ZNF471: variants seen among roughly 807,000 people sequenced by gnomAD.
ZNF471 encodes EZFIT-related protein 1.
A neutral mutation model predicts 13.7 loss-of-function variants in ZNF471; 7 were observed. The ratio of observed to expected loss-of-function variants is 0.51; its 90% CI spans 0.29 to 0.96. ZNF471 has a LOEUF of 0.96. Among genes scored for constraint, ZNF471 ranks in the 40% least tolerant of loss-of-function variants. The pLI is 0.08. For missense variants in ZNF471, 663 were observed against 743.3 expected (o/e 0.89, Z 1.26); for synonymous variants, 218 against 235.6 (o/e 0.93, Z 0.68).
chr19:56,512,218 A>G (rs2043821854), intron 2 of ZNF471, among the ~76,000 whole-genome samples: 1 of 104,630 alleles, frequency 9.6e-6, no homozygotes, highest in African/African-American at 3.5e-5. Flanking sequence ...CTCACCATGT[A>G]TCTCATTCAG....
In ZNF471 at chr19:56,508,654, G is replaced by A. The variant is rs1338802915; in HGVS notation, c.-56+734G>A. Reference sequence around the variant, plus strand: ...TGCAAGAACAGAGTGTGAGACTGTGGTATGTTAATGTGTGAAAGGGAGACC... The same window carrying A: ...TGCAAGAACAGAGTGTGAGACTGTGATATGTTAATGTGTGAAAGGGAGACC... On this transcript the variant is annotated intron_variant, in intron 1 of 4. Coordinates refer to ENST00000308031, the MANE Select transcript of ZNF471 (RefSeq NM_020813.4). This position sits in a 1 kb window ranked among gnomAD's most constrained non-coding sequence, Gnocchi z 4.7. Among the ~76,000 whole-genome samples, 1 of 151,860 alleles carries A rather than the reference G, an allele frequency of 6.6e-6. No homozygotes were observed. The highest frequency in any genetic ancestry group is 6.6e-5 in the Admixed American group (1 of 15,262).
rs2044012572 is a variant in ZNF471, at chr19:56,524,225, T to A, written c.257-99T>A. ...ACATGCCTGTACATAACAGGTTTTGTGAGATTTATTAAATATTTTTAAATT... is the reference window on the plus strand; with the variant it reads ...ACATGCCTGTACATAACAGGTTTTGAGAGATTTATTAAATATTTTTAAATT... On this transcript the variant is annotated intron_variant, in intron 4 of 4. Transcript: ENST00000308031. The surrounding 1 kb of genome is among the most constrained non-coding windows in gnomAD (Gnocchi z 4.8). The A allele has an allele frequency of 1.1e-6, 1 of 893,512 alleles. No individual in the cohort carries two copies. Among genetic ancestry groups the A allele is most frequent in the Non-Finnish European group, 1.6e-6 (1 of 608,236 alleles). 55.3% of individuals were successfully genotyped at this position (893,512 alleles called of 1,614,324 possible). A position where few individuals can be genotyped will look rare whatever the true frequency, so the allele number is the denominator to read the frequency against.
Position 56,526,003 on chromosome 19 carries a change from C to T in ZNF471, c.*55C>T, listed in dbSNP as rs1415443249. 1 of 1,452,730 alleles carries T rather than the reference C, an allele frequency of 6.9e-7. No homozygotes were observed. Among genetic ancestry groups the T allele is most frequent in the Non-Finnish European group, 9.2e-7 (1 of 1,083,416 alleles). The allele number at this position is 1,452,730 out of a possible 1,614,324, so 90.0% of individuals were successfully genotyped here. A position where few individuals can be genotyped will look rare whatever the true frequency, so the allele number is the denominator to read the frequency against. On this transcript the variant is annotated 3_prime_UTR_variant, in exon 5 of 5. Transcript: ENST00000308031. ...TTATCACCAATCCCCTACTGTTAAT[C>T]AGAGATGTCCCACTGGATAAAAAAC...
At position 56,528,443 on chromosome 19, in the gene ZNF471, GTCTT is replaced by G. The variant is rs937428295; in HGVS notation, c.*2499_*2502del. On this transcript the variant is annotated 3_prime_UTR_variant, in exon 5 of 5. Coordinates refer to ENST00000308031, the MANE Select transcript of ZNF471 (RefSeq NM_020813.4). ...AGCTAAAAAAAAAGTTTTAAATGGTGTCTTTCTATGTTGCCCAGGGTGGTCTCAA... is the reference window on the plus strand; with the variant it reads ...AGCTAAAAAAAAAGTTTTAAATGGTGTCTATGTTGCCCAGGGTGGTCTCAA... 5 of 152,092 alleles carry G rather than the reference GTCTT, an allele frequency of 3.3e-5. No individual in the cohort carries two copies. Among genetic ancestry groups the G allele is most frequent in the Non-Finnish European group, 7.4e-5 (5 of 68,024 alleles). The allele number at this position is 152,092 out of a possible 1,614,324, so 9.4% of individuals were successfully genotyped here.
rs949423334 is a variant in ZNF471, at chr19:56,510,639, A to C, written c.-55-878A>C. On this transcript the variant is annotated intron_variant, in intron 1 of 4. Coordinates refer to ENST00000308031, the MANE Select transcript of ZNF471 (RefSeq NM_020813.4). The surrounding 1 kb of genome is among the most constrained non-coding windows in gnomAD (Gnocchi z 4.3). ...GATTGTGTCCTCCGTGTGACCATGA[A>C]ACCTGTGTTAGTGTTTGTATGTCAC... The C allele has an allele frequency of 2.2e-5, 22 of 985,522 alleles. No individual in the cohort carries two copies. The highest frequency in any genetic ancestry group is 2.3e-5 in the Non-Finnish European group (19 of 830,048). The allele number at this position is 985,522 out of a possible 1,614,324, so 61.0% of individuals were successfully genotyped here.
Position 56,522,995 on chromosome 19 carries a change from C to G in ZNF471, c.257-1329C>G, listed in dbSNP as rs2043993778. Reference sequence around the variant, plus strand: ...AGGTGACATGCCCGCCTTGGCCTCCCAAAGTGCTGGGATTACAGGCATGAG... The same window carrying G: ...AGGTGACATGCCCGCCTTGGCCTCCGAAAGTGCTGGGATTACAGGCATGAG... On this transcript the variant is annotated intron_variant, in intron 4 of 4. Transcript: ENST00000308031. The surrounding 1 kb of genome is among the most constrained non-coding windows in gnomAD (Gnocchi z 4.1). Among the ~76,000 whole-genome samples, 4 of 152,190 alleles carry G rather than the reference C, an allele frequency of 2.6e-5. No individual in the cohort carries two copies. Among genetic ancestry groups the G allele is most frequent in the Admixed American group, 2.6e-4 (4 of 15,280 alleles).
rs1282179308 is a variant in ZNF471 at position 56,527,713 on chromosome 19, T to C, written c.*1765T>C. On this transcript the variant is annotated 3_prime_UTR_variant, in exon 5 of 5. Transcript: ENST00000308031. ...AAAACCTTCAGCCAGATTGAATGCT[T>C]TACAGGGAAGAATTCATACTGCAGA... The C allele has an allele frequency of 6.6e-6, 1 of 152,128 alleles. No individual in the cohort carries two copies. The highest frequency in any genetic ancestry group is 1.5e-5 in the Non-Finnish European group (1 of 68,020). 9.4% of individuals were successfully genotyped at this position (152,128 alleles called of 1,614,324 possible). A position where few individuals can be genotyped will look rare whatever the true frequency, so the allele number is the denominator to read the frequency against.
In ZNF471 at chr19:56,525,974, T is replaced by A; in HGVS notation, c.*26T>A. 1 of 1,522,282 alleles carries A rather than the reference T, an allele frequency of 6.6e-7. No homozygotes were observed. The allele number at this position is 1,522,282 out of a possible 1,614,324, so 94.3% of individuals were successfully genotyped here. ...GAATGTAGTGCATGTGGCCAAGCCT[T>A]TAGTTATCACCAATCCCCTACTGTT... On this transcript the variant is annotated 3_prime_UTR_variant, in exon 5 of 5. Coordinates refer to ENST00000308031, the MANE Select transcript of ZNF471 (RefSeq NM_020813.4).
intron 2 of ZNF471, among the ~76,000 whole-genome samples, chr19:56,514,187 G>A (rs1010498368): frequency 3.3e-5 from 5 of 150,322 alleles, no homozygotes; most frequent in African/African-American, 9.8e-5. Context: ...TCGGCCACTC[G>A]AGTAGCTGGG....
In ZNF471 at chr19:56,528,396, A is replaced by G. The variant is rs2044072269; in HGVS notation, c.*2448A>G. The G allele has an allele frequency of 6.7e-6, 1 of 150,202 alleles. No individual in the cohort carries two copies. The highest frequency in any genetic ancestry group is 1.5e-5 in the Non-Finnish European group (1 of 67,656). The allele number at this position is 150,202 out of a possible 1,614,324, so 9.3% of individuals were successfully genotyped here. A position where few individuals can be genotyped will look rare whatever the true frequency, so the allele number is the denominator to read the frequency against. ...GTATGGCAGTCATAAAAATTTTGGAACCAAAACAGTATCTTTTTTTAAGCT... is the reference window on the plus strand; with the variant it reads ...GTATGGCAGTCATAAAAATTTTGGAGCCAAAACAGTATCTTTTTTTAAGCT... On this transcript the variant is annotated 3_prime_UTR_variant, in exon 5 of 5. Coordinates refer to ENST00000308031, the MANE Select transcript of ZNF471 (RefSeq NM_020813.4).
At chr19:56,509,714 GGTGTGTGTGTGT>G (rs34707423) in intron 1 of ZNF471, 37 of 178,418 alleles carry the variant, frequency 2.1e-4, no homozygotes, top group African/African-American at 3.2e-4. Context: ...TTGCTTGCCT[GGTGTGTGTGTGT>G]GTGTGTGTGT....
intron 1 of ZNF471, chr19:56,509,769 C>A: frequency 1.8e-6 from 1 of 553,170 alleles, no homozygotes; most frequent in Non-Finnish European, 2.3e-6. Flanking sequence ...CCCCACACAT[C>A]TGGTCTTAGA....
chr19:56,515,879 TATTTAAGAAA>T (rs1379760232), intron 2 of ZNF471, among the ~76,000 whole-genome samples: 1 of 152,226 alleles, frequency 6.6e-6, no homozygotes, highest in Non-Finnish European at 1.5e-5. Context: ...ATGTTTTTAT[TATTTAAGAAA>T]AAAAAATCAG....
In ZNF471 at chr19:56,522,982, C is replaced by T. The variant is rs74693899; in HGVS notation, c.257-1342C>T. Among the ~76,000 whole-genome samples the T allele has an allele frequency of 3.3e-5, 5 of 152,096 alleles. No homozygotes were observed. Among genetic ancestry groups the T allele is most frequent in the Admixed American group, 6.5e-5 (1 of 15,276 alleles). ...AACTTCTGACCTCAGGTGACATGCC[C>T]GCCTTGGCCTCCCAAAGTGCTGGGA... On this transcript the variant is annotated intron_variant, in intron 4 of 4. Transcript: ENST00000308031. This position sits in a 1 kb window ranked among gnomAD's most constrained non-coding sequence, Gnocchi z 4.1.
In ZNF471 at chr19:56,516,281, G is replaced by C. The variant is rs760117084; in HGVS notation, c.40G>C (p.Val14Leu). 6.2e-7 allele frequency: 1 copy of C among 1,613,448 alleles called. No individual in the cohort carries two copies. Among genetic ancestry groups the C allele is most frequent in the Admixed American group, 1.7e-5 (1 of 60,008 alleles). ...EVVKVMPQDL[V>L]TFKDVAIDFS... ...AATATATTTGTCACTTCAGGACTTA[G>C]TGACATTCAAGGATGTGGCAATAGA... Residue 14 changes from valine (V) to leucine (L), a missense_variant, in exon 3 of 5, where the codon GTG becomes CTG. Val to Leu is a conservative substitution (Grantham distance 32). Coordinates refer to ENST00000308031, the MANE Select transcript of ZNF471 (RefSeq NM_020813.4). The surrounding 1 kb of genome is among the most constrained non-coding windows in gnomAD (Gnocchi z 4.4).
In ZNF471 at chr19:56,525,378, G is replaced by T. The variant is rs769902621; in HGVS notation, c.1311G>T (p.Gly437=). 8 of 1,614,038 alleles carry T rather than the reference G, an allele frequency of 5.0e-6. No homozygotes were observed. Among genetic ancestry groups the T allele is most frequent in the Non-Finnish European group, 6.8e-6 (8 of 1,179,978 alleles). ...GEKPYECDIC[G]KDFSHHASLT... ...AACCTTATGAATGTGATATATGTGGGAAAGATTTTAGCCATCATGCATCAC... is the reference window on the plus strand; with the variant it reads ...AACCTTATGAATGTGATATATGTGGTAAAGATTTTAGCCATCATGCATCAC... The change falls in exon 5 of 5, where the codon GGG becomes GGT. Residue 437 remains glycine (G), a synonymous_variant. Coordinates refer to ENST00000308031, the MANE Select transcript of ZNF471 (RefSeq NM_020813.4).
chr19:56,525,755 G>A lies in ZNF471; in HGVS notation c.1688G>A (p.Arg563Lys). The change falls in exon 5 of 5, where the codon AGA (arginine) becomes AAA (lysine). Residue 563 changes from arginine to lysine, a missense_variant. Transcript: ENST00000308031. ...SQTSNLTQHQRIHTGEKPYKC... is the reference protein window; with the variant it reads ...SQTSNLTQHQKIHTGEKPYKC... ...ACTTCCAATCTTACTCAACATCAAA[G>A]AATTCATACTGGAGAGAAACCCTAT... 1 of 1,613,906 alleles carries A rather than the reference G, an allele frequency of 6.2e-7. No individual in the cohort carries two copies. Among genetic ancestry groups the A allele is most frequent in the Non-Finnish European group, 8.5e-7 (1 of 1,179,850 alleles).
Position 56,524,523 on chromosome 19 carries a change from C to T in ZNF471, c.456C>T (p.Thr152=), listed in dbSNP as rs765902251. Reference sequence around the variant, plus strand: ...AAGAAATAATCACTCATAAAGAAACCATCACTAAGGAAACAGAATTCAAAT... The same window carrying T: ...AAGAAATAATCACTCATAAAGAAACTATCACTAAGGAAACAGAATTCAAAT... ...SKKEIITHKE[T]ITKETEFKYT... Residue 152 remains threonine (T), a synonymous_variant, in exon 5 of 5, where the codon ACC becomes ACT. Coordinates refer to ENST00000308031, the MANE Select transcript of ZNF471 (RefSeq NM_020813.4). The surrounding 1 kb of genome is among the most constrained non-coding windows in gnomAD (Gnocchi z 4.8). 1.2e-6 allele frequency: 2 copies of T among 1,604,458 alleles called. No individual in the cohort carries two copies. The highest frequency in any genetic ancestry group is 2.2e-5 in the East Asian group (1 of 44,766).
Position 56,516,337 on chromosome 19 carries a change from C to T in ZNF471, c.96C>T (p.Asn32=), listed in dbSNP as rs2043888874. ...CCCAGGAAGAATGGCAATGGATGAA[C>T]CCTGCTCAGAAGCGTTTATACAGGA... ...DFSQEEWQWM[N]PAQKRLYRSM... is the part of the protein sequence containing the mutation. The change falls in exon 3 of 5, where the codon AAC becomes AAT. Residue 32 remains asparagine, a synonymous_variant. Coordinates refer to ENST00000308031, the MANE Select transcript of ZNF471 (RefSeq NM_020813.4). The surrounding 1 kb of genome is among the most constrained non-coding windows in gnomAD (Gnocchi z 4.4). 1 of 1,613,826 alleles carries T rather than the reference C, an allele frequency of 6.2e-7. No homozygotes were observed. Among genetic ancestry groups the T allele is most frequent in the South Asian group, 1.1e-5 (1 of 91,078 alleles).
Sources: gnomAD v4.1 joint callset for allele counts (sites outside exome capture counted in the v4.1 genomes callset) on GRCh38, gnomAD v4.1.1 for gene constraint, Gnocchi (gnomAD v3.1) non-coding constraint, MANE v1.5 for transcripts, NCBI Gene and HGNC (gene_info 2026-07-23, HGNC 2026-07-21) for gene names.